Variants in CNTNAP4 observed in about 807,000 individuals in gnomAD.
CNTNAP4 encodes contactin-associated protein-like 4.
CNTNAP4 carries 98 observed loss-of-function variants against 148.4 expected under a neutral mutation model. The observed-to-expected ratio is 0.66, with a 90% confidence interval of 0.56 to 0.78. The LOEUF is 0.78. Among genes scored for constraint, CNTNAP4 ranks in the 30% least tolerant of loss-of-function variants. The pLI, the probability that CNTNAP4 is intolerant of heterozygous loss-of-function variation, is 0.00. For synonymous variants in CNTNAP4, 730 were observed against 565.1 expected (o/e 1.29, Z -4.14); for missense variants, 1,935 against 1,565.6 (o/e 1.24, Z -3.98).
At chr16:76,389,653 G>A (rs2016797342) in intron 3 of CNTNAP4, among the ~76,000 whole-genome samples, 1 of 151,820 alleles carries the variant, frequency 6.6e-6, no homozygotes, top group African/African-American at 2.4e-5. Context: ...GTAGAAACAG[G>A]GTTTCGCCAT....
intron 21 of CNTNAP4, among the ~76,000 whole-genome samples, chr16:76,551,090 A>G (rs745689194): frequency 2.8e-4 from 42 of 152,188 alleles, no homozygotes; most frequent in Admixed American, 3.3e-4. Flanking sequence ...GAATGAAAAT[A>G]GAGCCCCTCA....
At chr16:76,544,336 C>T (rs1252781921) in intron 21 of CNTNAP4, among the ~76,000 whole-genome samples, 1 of 151,780 alleles carries the variant, frequency 6.6e-6, no homozygotes, top group Non-Finnish European at 1.5e-5. Flanking sequence ...TTGAATTTTT[C>T]CAGTACTCAT....
At chr16:76,435,093 C>T (rs1285697836) in intron 4 of CNTNAP4, among the ~76,000 whole-genome samples, 1 of 152,116 alleles carries the variant, frequency 6.6e-6, no homozygotes, top group Non-Finnish European at 1.5e-5. Flanking sequence ...TAACAGCATA[C>T]ATTGTCAGTA....
chr16:76,451,570 T>C (rs746226947), intron 7 of CNTNAP4, among the ~76,000 whole-genome samples: 2 of 149,634 alleles, frequency 1.3e-5, no homozygotes, highest in African/African-American at 2.5e-5. Context: ...CAAAATTATT[T>C]AAAATAAAAA....
intron 2 of CNTNAP4, among the ~76,000 whole-genome samples, chr16:76,334,046 A>C (rs766742552): frequency 6.6e-6 from 1 of 151,802 alleles, no homozygotes; most frequent in African/African-American, 2.4e-5. Context: ...ATAAAAAATG[A>C]TGAGTTCATG....
At chr16:76,363,724 G>A (rs967361348) in intron 3 of CNTNAP4, among the ~76,000 whole-genome samples, 1 of 152,090 alleles carries the variant, frequency 6.6e-6, no homozygotes, top group Non-Finnish European at 1.5e-5. Flanking sequence ...GAAATATTTG[G>A]AAACCATGTA....
chr16:76,308,810 T>C (rs2144012758), intron 1 of CNTNAP4, among the ~76,000 whole-genome samples: 1 of 152,174 alleles, frequency 6.6e-6, no homozygotes. Flanking sequence ...AGCTAAGCCA[T>C]AGAATTTTAT....
chr16:76,454,674 T>C (rs943034807), intron 8 of CNTNAP4, among the ~76,000 whole-genome samples: 6 of 152,116 alleles, frequency 3.9e-5, no homozygotes, highest in Non-Finnish European at 7.4e-5. Flanking sequence ...ATTTAAATGG[T>C]AGTTGGGTGG....
At chr16:76,341,389 G>C (rs937034502) in intron 2 of CNTNAP4, among the ~76,000 whole-genome samples, 4 of 152,136 alleles carry the variant, frequency 2.6e-5, no homozygotes, top group Admixed American at 6.6e-5. Context: ...TTTTAATTGA[G>C]TTGTTGAACT....
intron 11 of CNTNAP4, 78 bp from the exon 12 acceptor site, chr16:76,479,341 G>A: frequency 1.6e-6 from 2 of 1,269,298 alleles, no homozygotes. Flanking sequence ...TTCAAGATTT[G>A]CGGTATTTCA....
At chr16:76,377,037 C>G (rs1214363894) in intron 3 of CNTNAP4, among the ~76,000 whole-genome samples, 2 of 151,526 alleles carry the variant, frequency 1.3e-5, no homozygotes, top group Non-Finnish European at 2.9e-5. Context: ...ACAGGCTTGG[C>G]AAGTCCAAAA....
intron 4 of CNTNAP4, among the ~76,000 whole-genome samples, chr16:76,429,695 T>G (rs1438401776): frequency 6.6e-6 from 1 of 152,210 alleles, no homozygotes; most frequent in Non-Finnish European, 1.5e-5. Flanking sequence ...TTGAGTTATC[T>G]GCTGCTCTGT....
chr16:76,284,798 CT>C (rs1229682142), intron 1 of CNTNAP4, among the ~76,000 whole-genome samples: 2 of 151,978 alleles, frequency 1.3e-5, no homozygotes, highest in African/African-American at 4.8e-5. Flanking sequence ...ACTTTTGAAA[CT>C]GGCTTTCCTT....
chr16:76,510,149 C>T (rs958056818), intron 15 of CNTNAP4, among the ~76,000 whole-genome samples: 4 of 151,992 alleles, frequency 2.6e-5, no homozygotes, highest in Middle Eastern at 3.4e-3. Context: ...GTCCATTTCA[C>T]GCACTCCCCA....
chr16:76,452,771 TAATA>T lies in CNTNAP4; in HGVS notation c.1333+6_1333+9del, dbSNP rs751734837. ...AATTACCCAGTGACATCACAGCAGG[TAATA>T]AATGTATTCCCTGGGGCAAAGCATA... On this transcript the variant is annotated splice_donor_5th_base_variant and intron_variant, in intron 8 of 23. Coordinates refer to ENST00000611870, the MANE Select transcript of CNTNAP4 (RefSeq NM_033401.5). 1.9e-6 allele frequency: 3 copies of T among 1,560,056 alleles called. No individual in the cohort carries two copies. The highest frequency in any genetic ancestry group is 1.7e-4 in the Middle Eastern group (1 of 5,792).
At chr16:76,422,313 GA>G (rs900614604) in intron 3 of CNTNAP4, among the ~76,000 whole-genome samples, 1 of 151,872 alleles carries the variant, frequency 6.6e-6, no homozygotes, top group African/African-American at 2.4e-5. Context: ...TGTCTATTAG[GA>G]GGTTACTATT....
At chr16:76,468,069 G>A (rs1191598899) in intron 10 of CNTNAP4, among the ~76,000 whole-genome samples, 1 of 152,162 alleles carries the variant, frequency 6.6e-6, no homozygotes, top group Non-Finnish European at 1.5e-5. Flanking sequence ...TGGGGTTGTG[G>A]TATTGATCAA....
chr16:76,436,028 G>C (rs755634644), intron 4 of CNTNAP4, among the ~76,000 whole-genome samples: 3 of 152,090 alleles, frequency 2.0e-5, no homozygotes, highest in Non-Finnish European at 4.4e-5. Context: ...GTCACACTCT[G>C]AATGTCACCT....
At chr16:76,326,941 A>C (rs1156343604) in intron 2 of CNTNAP4, among the ~76,000 whole-genome samples, 1 of 152,088 alleles carries the variant, frequency 6.6e-6, no homozygotes, top group Non-Finnish European at 1.5e-5. Flanking sequence ...CTAAAACTTA[A>C]AGTAAGAATA....
Sources: gnomAD v4.1 joint callset for allele counts (sites outside exome capture counted in the v4.1 genomes callset) on GRCh38, gnomAD v4.1.1 for gene constraint, MANE v1.5 for transcripts, NCBI Gene and HGNC (gene_info 2026-07-23, HGNC 2026-07-21) for gene names.